Variants in DAB1 observed in about 807,000 individuals in gnomAD.
The protein encoded by DAB1 is disabled homolog 1.
DAB1 carries 15 observed loss-of-function variants against 64.6 expected under a neutral mutation model. That is an observed-to-expected ratio of 0.23 (90% CI 0.16 to 0.36). The LOEUF (loss-of-function observed/expected upper bound fraction) is 0.36. DAB1 is among the 10% of genes least tolerant of loss of function. The pLI is 1.00. For missense variants in DAB1, 596 were observed against 706.7 expected (o/e 0.84, Z 1.78); for synonymous variants, 235 against 251.9 (o/e 0.93, Z 0.64).
intron 3 of DAB1, among the ~76,000 whole-genome samples, chr1:58,446,116 A>G (rs72669860): frequency 0.15 from 23,143 of 152,232 alleles, 2,261 homozygotes; most frequent in Non-Finnish European, 0.22. Context: ...TTAAATTTAC[A>G]TATATCTTAC....
intron 1 of DAB1, among the ~76,000 whole-genome samples, chr1:57,323,547 T>C (rs1165828608): frequency 6.6e-6 from 1 of 152,160 alleles, no homozygotes; most frequent in Non-Finnish European, 1.5e-5. Context: ...TAAATGTTGA[T>C]TTGCACCATT....
intron 2 of DAB1, among the ~76,000 whole-genome samples, chr1:57,173,913 T>A (rs1451530069): frequency 6.6e-6 from 1 of 152,162 alleles, no homozygotes; most frequent in African/African-American, 2.4e-5. Flanking sequence ...TCATGGGATT[T>A]CCCAATTAAA....
At chr1:57,538,409 A>G (rs758754642) in intron 7 of DAB1, among the ~76,000 whole-genome samples, 7 of 151,686 alleles carry the variant, frequency 4.6e-5, no homozygotes, top group African/African-American at 7.3e-5. Flanking sequence ...ATTGGGCCCT[A>G]CCTCCCTCCC....
In DAB1 at chr1:57,639,261, G is replaced by T. The variant is rs536407411; in HGVS notation, n.625+10331C>A. Among the ~76,000 whole-genome samples, 57 of 146,392 alleles carry T rather than the reference G, an allele frequency of 3.9e-4. 1 individual carries two copies. Among genetic ancestry groups the T allele is most frequent in the Middle Eastern group, 3.5e-3 (1 of 286 alleles). Reference sequence around the variant, plus strand: ...TAAAGAACTTTAGTAAAGAACTTTAGTAAGTAACTTTATAAAGTTCTTTAT... The same window carrying T: ...TAAAGAACTTTAGTAAAGAACTTTATTAAGTAACTTTATAAAGTTCTTTAT... On this transcript the variant is annotated intron_variant and non_coding_transcript_variant, in intron 7 of 20. Transcript: ENST00000485760.
intron 5 of DAB1, among the ~76,000 whole-genome samples, chr1:58,020,422 A>C (rs1646799670): frequency 6.6e-6 from 1 of 152,198 alleles, no homozygotes; most frequent in Non-Finnish European, 1.5e-5. Context: ...TTCCTCACTA[A>C]ACAATAAGCT....
intron 7 of DAB1, among the ~76,000 whole-genome samples, chr1:57,542,614 A>C (rs2406068): frequency 0.62 from 93,690 of 151,394 alleles, 32,433 homozygotes; most frequent in Non-Finnish European, 0.77. Context: ...GAGACCTTGG[A>C]TTTATCCAGG....
intron 5 of DAB1, among the ~76,000 whole-genome samples, chr1:58,008,927 T>C (rs1646627265): frequency 6.6e-6 from 1 of 152,166 alleles, no homozygotes; most frequent in African/African-American, 2.4e-5. Context: ...TCATTTTCAT[T>C]TTCTACAAGA....
intron 1 of DAB1, among the ~76,000 whole-genome samples, chr1:57,346,823 C>T (rs556858654): frequency 1.3e-4 from 20 of 152,270 alleles, no homozygotes; most frequent in Non-Finnish European, 1.6e-4. Context: ...TTTTAAGTCT[C>T]ATTACTCCAT....
At chr1:57,587,886 G>GCCA (rs1208971314) in intron 7 of DAB1, among the ~76,000 whole-genome samples, 1 of 152,196 alleles carries the variant, frequency 6.6e-6, no homozygotes, top group Non-Finnish European at 1.5e-5. Context: ...TACCACAGAA[G>GCCA]CCACCATTAA....
chr1:58,156,316 A>C (rs994528574), intron 4 of DAB1, among the ~76,000 whole-genome samples: 1 of 152,208 alleles, frequency 6.6e-6, no homozygotes. Context: ...GTAGCAAAAA[A>C]AGTAGCTTCT....
intron 5 of DAB1, among the ~76,000 whole-genome samples, chr1:57,960,072 T>C (rs918760348): frequency 1.3e-5 from 2 of 152,170 alleles, no homozygotes; most frequent in African/African-American, 4.8e-5. Flanking sequence ...GCCTCCACGA[T>C]GCCTGGGCTG....
intron 3 of DAB1, among the ~76,000 whole-genome samples, chr1:58,436,195 T>G (rs959775904): frequency 2.0e-5 from 3 of 152,266 alleles, no homozygotes; most frequent in Admixed American, 2.0e-4. Flanking sequence ...TAGTAATATC[T>G]GCCCAGCCTC....
chr1:57,156,032 T>C (rs919589076), intron 2 of DAB1, among the ~76,000 whole-genome samples: 1 of 152,152 alleles, frequency 6.6e-6, no homozygotes, highest in African/African-American at 2.4e-5. Flanking sequence ...AATTTCATAA[T>C]GGATCATGGG....
chr1:57,234,939 T>A (rs1667980858), intron 2 of DAB1, among the ~76,000 whole-genome samples: 1 of 152,226 alleles, frequency 6.6e-6, no homozygotes, highest in Admixed American at 6.5e-5. Context: ...GCTTTGAATG[T>A]CTCTGACGTC....
chr1:57,622,744 A>G (rs940116631), intron 7 of DAB1, among the ~76,000 whole-genome samples: 23 of 152,184 alleles, frequency 1.5e-4, no homozygotes, highest in African/African-American at 5.3e-4. Flanking sequence ...CCTTTGTGCA[A>G]TTTTGTGAGG....
chr1:58,215,049 T>C (rs1191560116), intron 4 of DAB1, among the ~76,000 whole-genome samples: 1 of 152,194 alleles, frequency 6.6e-6, no homozygotes, highest in Non-Finnish European at 1.5e-5. Flanking sequence ...CCCTTGCCCA[T>C]ACATCTGCAG....
chr1:57,423,155 GA>G (rs1396231602), intron 1 of DAB1, among the ~76,000 whole-genome samples: 2 of 144,444 alleles, frequency 1.4e-5, no homozygotes, highest in South Asian at 2.3e-4. Context: ...TTCCTTGGTA[GA>G]AAAAAAAACT....
chr1:57,623,290 C>A (rs938127682), intron 7 of DAB1, among the ~76,000 whole-genome samples: 15 of 152,122 alleles, frequency 9.9e-5, no homozygotes, highest in Non-Finnish European at 2.1e-4. Flanking sequence ...CTCATACGCC[C>A]CTGTCTCTTC....
rs906362535 is a variant in DAB1 at position 57,429,628 on chromosome 1, C to T, written n.626-138462G>A. ...TAGGATTTTTATTATTGCAAGTCTT[C>T]CATCTGTCGTTAATCCATTTTGAGT... On this transcript the variant is annotated intron_variant and non_coding_transcript_variant, in intron 7 of 20. Transcript: ENST00000485760. Among the ~76,000 whole-genome samples, 4 of 152,274 alleles carry T rather than the reference C, an allele frequency of 2.6e-5. No homozygotes were observed. The South Asian group carries it at 8.3e-4, about 32-fold the overall frequency.
Sources: allele counts gnomAD v4.1 joint callset (sites outside exome capture counted in the v4.1 genomes callset), GRCh38; gene constraint gnomAD v4.1.1; transcripts MANE v1.5; gene names NCBI Gene and HGNC (gene_info 2026-07-23, HGNC 2026-07-21).